COBLL1: variants seen among roughly 807,000 people sequenced by gnomAD.
COBLL1 encodes cordon-bleu protein-like 1.
Under a neutral mutation model 94.8 loss-of-function variants are expected in COBLL1, and 50 were observed. The observed-to-expected ratio is 0.53, with a 90% CI of 0.42 to 0.67. The LOEUF (loss-of-function observed/expected upper bound fraction) is 0.67, where lower values mean the gene tolerates loss of function less well. COBLL1 is among the 30% of genes least tolerant of loss of function. COBLL1 has a pLI of 0.00. For synonymous variants in COBLL1, 448 were observed against 473.8 expected (o/e 0.95, Z 0.71); for missense variants, 1,362 against 1,348.7 (o/e 1.01, Z -0.15).
intron 2 of COBLL1, among the ~76,000 whole-genome samples, chr2:164,764,523 A>G (rs898624531): frequency 6.6e-6 from 1 of 152,196 alleles, no homozygotes; most frequent in African/African-American, 2.4e-5. Context: ...GTCATCACCC[A>G]GTAGCAAAGA....
At chr2:164,686,619 G>C (rs1356985975) in intron 13 of COBLL1, among the ~76,000 whole-genome samples, 1 of 150,858 alleles carries the variant, frequency 6.6e-6, no homozygotes, top group African/African-American at 2.4e-5. Flanking sequence ...TCCTTAGTAA[G>C]TAAACTCCTA....
At chr2:164,756,958 G>A (rs1687442411) in intron 2 of COBLL1, among the ~76,000 whole-genome samples, 1 of 152,134 alleles carries the variant, frequency 6.6e-6, no homozygotes, top group Admixed American at 6.6e-5. Context: ...TTGCTGAGAG[G>A]GTTAAATGGG....
intron 4 of COBLL1, among the ~76,000 whole-genome samples, chr2:164,729,174 T>C (rs1685859489): frequency 6.6e-6 from 1 of 151,546 alleles, no homozygotes; most frequent in Admixed American, 6.6e-5. Context: ...TTTCAAAAAC[T>C]CACCTTCTTT....
At chr2:164,747,035 T>C (rs1338676933) in intron 2 of COBLL1, among the ~76,000 whole-genome samples, 1 of 152,186 alleles carries the variant, frequency 6.6e-6, no homozygotes, top group African/African-American at 2.4e-5. Context: ...GGACCATGCC[T>C]GCCATGTAGT....
chr2:164,800,385 T>G (rs765734935), intron 2 of COBLL1: 2 of 489,906 alleles, frequency 4.1e-6, no homozygotes, highest in Non-Finnish European at 7.2e-6. Context: ...TCATGACACA[T>G]GTATTAGAAT....
At chr2:164,748,979 T>C (rs1687001230) in intron 2 of COBLL1, among the ~76,000 whole-genome samples, 1 of 152,182 alleles carries the variant, frequency 6.6e-6, no homozygotes, top group African/African-American at 2.4e-5. Flanking sequence ...CCGAATTCAA[T>C]TAGTGTCCTA....
At chr2:164,757,467 G>C (rs1054959851) in intron 2 of COBLL1, among the ~76,000 whole-genome samples, 3 of 151,922 alleles carry the variant, frequency 2.0e-5, no homozygotes, top group Non-Finnish European at 4.4e-5. Flanking sequence ...CCTCATGAAA[G>C]AAACAAAAAT....
chr2:164,659,387 A>G (rs927296122), intron 2 of COBLL1, among the ~76,000 whole-genome samples: 2 of 152,198 alleles, frequency 1.3e-5, no homozygotes, highest in African/African-American at 4.8e-5. Context: ...TTGAGCAATT[A>G]CTTGTTGACA....
chr2:164,841,326 GC>G lies in COBLL1; in HGVS notation c.-50-81del. ...GAGCGAAGCTGGCTGAGCGTCAAGAGCCCGCCCGAGCCGCTCCAGCCCCGGC... is the reference window on the plus strand; with the variant it reads ...GAGCGAAGCTGGCTGAGCGTCAAGAGCCGCCCGAGCCGCTCCAGCCCCGGC... On this transcript the variant is annotated intron_variant, in intron 1 of 13. Transcript: ENST00000652658. This position sits in a 1 kb window ranked among gnomAD's most constrained non-coding sequence, Gnocchi z 5.5. 2.5e-6 allele frequency: 3 copies of G among 1,205,780 alleles called. No individual in the cohort carries two copies. The South Asian group carries it at 1.2e-4, about 50-fold the overall frequency. 74.7% of individuals were successfully genotyped at this position (1,205,780 alleles called of 1,614,324 possible). A position where few individuals can be genotyped will look rare whatever the true frequency, so the allele number is the denominator to read the frequency against.
intron 3 of COBLL1, among the ~76,000 whole-genome samples, chr2:164,733,875 T>G (rs998166957): frequency 6.6e-6 from 1 of 152,180 alleles, no homozygotes; most frequent in African/African-American, 2.4e-5. Flanking sequence ...AACCAAATTT[T>G]TTATTCAAAT....
At chr2:164,726,044 ACT>A (rs1484583028) in intron 5 of COBLL1, among the ~76,000 whole-genome samples, 1 of 152,064 alleles carries the variant, frequency 6.6e-6, no homozygotes, top group Non-Finnish European at 1.5e-5. Flanking sequence ...TTAATATTTC[ACT>A]CTCTTAAGAT....
At chr2:164,755,185 T>C (rs561478409) in intron 2 of COBLL1, among the ~76,000 whole-genome samples, 26 of 152,260 alleles carry the variant, frequency 1.7e-4, no homozygotes, top group African/African-American at 5.5e-4. Context: ...ATGAAAATTT[T>C]TTTAAATGTT....
intron 2 of COBLL1, among the ~76,000 whole-genome samples, chr2:164,813,508 T>C (rs1251184916): frequency 6.6e-6 from 1 of 152,134 alleles, no homozygotes; most frequent in East Asian, 1.9e-4. Context: ...ACATCAGGGG[T>C]GTTGGTTATT....
In COBLL1 at chr2:164,841,132, G is replaced by GGCGGC; in HGVS notation, c.41+19_41+23dup. 1 of 1,229,548 alleles carries GGCGGC rather than the reference G, an allele frequency of 8.1e-7. No homozygotes were observed. The highest frequency in any genetic ancestry group is 1.0e-6 in the Non-Finnish European group (1 of 986,492). 76.2% of individuals were successfully genotyped at this position (1,229,548 alleles called of 1,614,324 possible). A position where few individuals can be genotyped will look rare whatever the true frequency, so the allele number is the denominator to read the frequency against. ...GCCGGCCTCGCCCTCCCCGGTGAGA[G>GGCGGC]GCGGCGCGGCGCTCTGGGCTTACCT... On this transcript the variant is annotated intron_variant, in intron 2 of 13. Transcript: ENST00000652658. This position sits in a 1 kb window ranked among gnomAD's most constrained non-coding sequence, Gnocchi z 5.5.
intron 2 of COBLL1, among the ~76,000 whole-genome samples, chr2:164,791,479 TAGAC>T (rs74268229): frequency 0.19 from 28,342 of 151,640 alleles, 2,926 homozygotes; most frequent in African/African-American, 0.24. Context: ...ATCAGATAGA[TAGAC>T]AGACAGACAG....
chr2:164,664,981 G>C (rs2105384010), intron 2 of COBLL1, among the ~76,000 whole-genome samples: 1 of 152,032 alleles, frequency 6.6e-6, no homozygotes, highest in Middle Eastern at 3.4e-3. Context: ...GTACATGAGA[G>C]AATCAACAAA....
intron 7 of COBLL1, among the ~76,000 whole-genome samples, chr2:164,709,762 A>G (rs1473193550): frequency 3.9e-5 from 6 of 152,064 alleles, no homozygotes; most frequent in Non-Finnish European, 8.8e-5. Context: ...CATTAGAGGA[A>G]AGTGAACATG....
intron 12 of COBLL1, chr2:164,692,605 G>A (rs1236008580): frequency 4.5e-6 from 2 of 443,106 alleles, no homozygotes; most frequent in Non-Finnish European, 8.0e-6. Flanking sequence ...CTTGAACTCA[G>A]GAAGCCAAAG....
intron 2 of COBLL1, among the ~76,000 whole-genome samples, chr2:164,747,482 T>A (rs1031489555): frequency 3.3e-5 from 5 of 152,118 alleles, no homozygotes; most frequent in African/African-American, 1.2e-4. Context: ...GAAAAACCAT[T>A]CACACAGAAC....
Sources: gnomAD v4.1 joint callset for allele counts (sites outside exome capture counted in the v4.1 genomes callset) on GRCh38, gnomAD v4.1.1 for gene constraint, Gnocchi (gnomAD v3.1) non-coding constraint, MANE v1.5 for transcripts, NCBI Gene and HGNC (gene_info 2026-07-23, HGNC 2026-07-21) for gene names.